SLC38A1: variants seen among roughly 807,000 people sequenced by gnomAD.
The protein encoded by SLC38A1 is solute carrier family 38 member 1.
A neutral mutation model predicts 60.3 loss-of-function variants in SLC38A1; 18 were observed. That is an observed-to-expected ratio of 0.30 (90% confidence interval 0.21 to 0.44). SLC38A1 has a LOEUF of 0.44. Among genes scored for constraint, SLC38A1 ranks in the 20% least tolerant of loss-of-function variants. The pLI is 1.00. For synonymous variants in SLC38A1, 196 were observed against 212.1 expected (o/e 0.92, Z 0.66); for missense variants, 448 against 587.2 (o/e 0.76, Z 2.45).
chr12:46,201,909 T>C (rs1360088509), intron 12 of SLC38A1, among the ~76,000 whole-genome samples: 2 of 150,214 alleles, frequency 1.3e-5, no homozygotes, highest in Non-Finnish European at 3.0e-5. Flanking sequence ...AACGGAGAAG[T>C]AGGCCCCGCG....
At chr12:46,234,305 G>C (rs908849647) in intron 3 of SLC38A1, among the ~76,000 whole-genome samples, 1 of 152,200 alleles carries the variant, frequency 6.6e-6, no homozygotes, top group African/African-American at 2.4e-5. Context: ...TTAGAAATTA[G>C]GGAGTAGCTT....
At chr12:46,195,957 A>G (rs548328773) in intron 16 of SLC38A1, 6 of 511,228 alleles carry the variant, frequency 1.2e-5, no homozygotes, top group African/African-American at 9.8e-5. Context: ...CATGGGCTGC[A>G]CCCACTGTCC....
At chr12:46,213,660 AT>A in intron 5 of SLC38A1, among the ~76,000 whole-genome samples, 1 of 152,242 alleles carries the variant, frequency 6.6e-6, no homozygotes, top group Admixed American at 6.5e-5. Flanking sequence ...ATCCATAGGC[AT>A]TTTGTTCCCA....
rs113062673 is a variant in SLC38A1 at position 46,242,801 on chromosome 12, CA to C, written c.-94+398del. Reference sequence around the variant, plus strand: ...TGGGCAACAGAGTGAGACCCTGTCTCAAAAAAATAAATAAAAGCAACACATA... The same window carrying C: ...TGGGCAACAGAGTGAGACCCTGTCTCAAAAAATAAATAAAAGCAACACATA... On this transcript the variant is annotated intron_variant, in intron 2 of 16. Transcript: ENST00000398637. Among the ~76,000 whole-genome samples, 245 of 151,904 alleles carry C rather than the reference CA, an allele frequency of 1.6e-3. 1 individual carries two copies. Among genetic ancestry groups the C allele is most frequent in the African/African-American group, 5.5e-3 (226 of 41,424 alleles).
chr12:46,219,667 C>T (rs1157939947), intron 5 of SLC38A1, among the ~76,000 whole-genome samples: 1 of 152,230 alleles, frequency 6.6e-6, no homozygotes, highest in Non-Finnish European at 1.5e-5. Flanking sequence ...CCTTGAAAAT[C>T]CAACTCTCTG....
chr12:46,215,948 T>C lies in SLC38A1; in HGVS notation c.315-6821A>G, dbSNP rs544462498. ...GCCCTCACTCCAAAACTTACAGACA[T>C]ACTGCTTGTTGAGGCAGAGTATTTA... On this transcript the variant is annotated intron_variant, in intron 5 of 16. Transcript: ENST00000398637. Among the ~76,000 whole-genome samples the C allele has an allele frequency of 3.3e-5, 5 of 152,300 alleles. No individual in the cohort carries two copies. In the South Asian group the frequency reaches 1.0e-3, roughly 32 times the overall value.
intron 1 of SLC38A1, among the ~76,000 whole-genome samples, chr12:46,246,768 C>A (rs1255100067): frequency 6.6e-6 from 1 of 152,206 alleles, no homozygotes; most frequent in Non-Finnish European, 1.5e-5. Context: ...GGCTGACTGA[C>A]ACCTCATACA....
chr12:46,190,740 A>G (rs1453432700), intron 16 of SLC38A1, among the ~76,000 whole-genome samples: 2 of 152,186 alleles, frequency 1.3e-5, no homozygotes, highest in Admixed American at 1.3e-4. Context: ...TCTTCTTTTG[A>G]GAAGTGTCTG....
At chr12:46,193,444 G>T (rs530232597) in intron 16 of SLC38A1, among the ~76,000 whole-genome samples, 6 of 152,148 alleles carry the variant, frequency 3.9e-5, no homozygotes, top group Non-Finnish European at 8.8e-5. Flanking sequence ...ATGTCTATGA[G>T]GTCCGCTTGG....
chr12:46,207,719 C>T, intron 6 of SLC38A1, 98 bp from the exon 7 acceptor site: 1 of 1,157,938 alleles, frequency 8.6e-7, no homozygotes, highest in Non-Finnish European at 1.3e-6. Flanking sequence ...CCCCAAGTTA[C>T]TATGTGCCTT....
intron 4 of SLC38A1, 36 bp downstream of exon 4, chr12:46,229,528 A>G (rs943199111): frequency 1.3e-6 from 2 of 1,494,046 alleles, no homozygotes; most frequent in African/African-American, 1.4e-5. Context: ...TTATATGATT[A>G]AAAAAATAAG....
intron 16 of SLC38A1, chr12:46,195,881 G>A (rs1939350861): frequency 2.9e-6 from 1 of 348,236 alleles, no homozygotes; most frequent in Non-Finnish European, 5.6e-6. Flanking sequence ...GCTGGGAAAG[G>A]TAAATCCCCT....
intron 5 of SLC38A1, among the ~76,000 whole-genome samples, chr12:46,220,317 T>A (rs1005327708): frequency 6.6e-6 from 1 of 152,232 alleles, no homozygotes; most frequent in Non-Finnish European, 1.5e-5. Flanking sequence ...CAACAGACTC[T>A]GATGTCAATG....
chr12:46,204,371 T>A lies in SLC38A1; in HGVS notation c.752A>T (p.Asn251Ile). ...TGTTGAATTAGCACTTATTGTTGAA[T>A]TTAGCTCTGGAACAATGCAGGGAAT... ...FQIPCIVPEL[N>I]STISANSTNA... The change falls in exon 11 of 17, where the codon AAT becomes ATT. Residue 251 changes from asparagine (N) to isoleucine (I), a missense_variant. Physicochemically the swap from Asn to Ile is moderately radical, Grantham distance 149. This residue lies in a region of SLC38A1 where 346 missense variants were observed against 497.5 expected (regional missense o/e 0.70). Transcript: ENST00000398637. The A allele has an allele frequency of 6.2e-7, 1 of 1,613,792 alleles. No homozygotes were observed. Among genetic ancestry groups the A allele is most frequent in the Non-Finnish European group, 8.5e-7 (1 of 1,179,772 alleles).
At chr12:46,229,016 A>T in intron 5 of SLC38A1, 137 bp downstream of exon 5, 1 of 506,708 alleles carries the variant, frequency 2.0e-6, no homozygotes, top group Non-Finnish European at 3.5e-6. Flanking sequence ...AGCAATAAAT[A>T]TCAAAGTATG....
At chr12:46,196,059 G>C (rs1389719346) in intron 16 of SLC38A1, 20 of 1,293,366 alleles carry the variant, frequency 1.5e-5, no homozygotes, top group South Asian at 2.6e-5. Flanking sequence ...CTGCAGACCA[G>C]AGCTGTTCCT....
At chr12:46,227,535 A>G (rs1940913007) in intron 5 of SLC38A1, among the ~76,000 whole-genome samples, 1 of 152,224 alleles carries the variant, frequency 6.6e-6, no homozygotes, top group Admixed American at 6.5e-5. Flanking sequence ...GCCTGGCACT[A>G]CCAGATACTA....
chr12:46,262,472 G>A (rs971351249), intron 1 of SLC38A1, among the ~76,000 whole-genome samples: 2 of 151,984 alleles, frequency 1.3e-5, no homozygotes, highest in African/African-American at 4.8e-5. Context: ...AATATTTCTT[G>A]TCAATTGAAA....
intron 13 of SLC38A1, 71 bp downstream of exon 13, chr12:46,201,027 T>C (rs1939633371): frequency 1.8e-6 from 2 of 1,135,896 alleles, no homozygotes; most frequent in African/African-American, 1.6e-5. Context: ...ATGTTAAAAG[T>C]TATTTCAACA....
Sources: allele counts gnomAD v4.1 joint callset (sites outside exome capture counted in the v4.1 genomes callset), GRCh38; gene constraint gnomAD v4.1.1; regional missense constraint gnomAD v4.1.1; transcripts MANE v1.5; gene names NCBI Gene and HGNC (gene_info 2026-07-23, HGNC 2026-07-21).